The following SMG6 variants were observed in gnomAD, a reference collection of about 807,000 sequenced individuals.
The protein encoded by SMG6 is telomerase-binding protein EST1A.
SMG6 carries 66 observed loss-of-function variants against 142.2 expected under a neutral mutation model. That is an observed-to-expected ratio of 0.46 (90% CI 0.38 to 0.57). The LOEUF (loss-of-function observed/expected upper bound fraction) is 0.57. Among genes scored for constraint, SMG6 ranks in the 20% least tolerant of loss-of-function variants. The pLI is 0.00. For missense variants in SMG6, 1,793 were observed against 1,832.0 expected, an observed-to-expected ratio of 0.98 and a Z score of 0.39; for synonymous variants, 779 against 702.4, an observed-to-expected ratio of 1.11 and a Z score of -1.72.
intron 13 of SMG6, among the ~76,000 whole-genome samples, chr17:2,135,244 T>C (rs562483554): frequency 3.2e-4 from 48 of 152,360 alleles, no homozygotes; most frequent in Non-Finnish European, 5.0e-4. Flanking sequence ...ATGTGATGTT[T>C]TGATAAATGT....
In SMG6 at chr17:2,102,529, T is replaced by TTC. The variant is rs1491416851; in HGVS notation, c.3358-16629_3358-16628insGA. On this transcript the variant is annotated intron_variant, in intron 13 of 18. Coordinates refer to ENST00000263073, the MANE Select transcript of SMG6 (RefSeq NM_017575.5). ...GGACCACCACATCCTGCTAATTTCA[T>TTC]TTTTTTTTTTTTTTTTTTTTTTTTT... Among the ~76,000 whole-genome samples the TTC allele has an allele frequency of 8.8e-3, 491 of 55,630 alleles. 2 individuals carry two copies. Among genetic ancestry groups the TTC allele is most frequent in the African/African-American group, 0.061 (445 of 7,334 alleles). 36.5% of individuals were successfully genotyped at this position (55,630 alleles called of 152,430 possible). A position where few individuals can be genotyped will look rare whatever the true frequency, so the allele number is the denominator to read the frequency against.
intron 13 of SMG6, among the ~76,000 whole-genome samples, chr17:2,114,960 G>A (rs5023220): frequency 0.5 from 36,053 of 71,534 alleles, 9,942 homozygotes; most frequent in Non-Finnish European, 0.55. Context: ...ATAAAAAAAT[G>A]AAATGAAATG....
chr17:2,165,934 G>C (rs946751524), intron 13 of SMG6, among the ~76,000 whole-genome samples: 1 of 151,948 alleles, frequency 6.6e-6, no homozygotes, highest in Non-Finnish European at 1.5e-5. Context: ...CAAAATGGAC[G>C]GGCGCGGTGA....
chr17:2,148,127 G>T (rs1324015860), intron 13 of SMG6, among the ~76,000 whole-genome samples: 1 of 152,096 alleles, frequency 6.6e-6, no homozygotes, highest in Non-Finnish European at 1.5e-5. Context: ...GGAGGTGCAG[G>T]TTGCAGTGAG....
At chr17:2,125,002 T>C (rs2069825810) in intron 13 of SMG6, among the ~76,000 whole-genome samples, 1 of 152,118 alleles carries the variant, frequency 6.6e-6, no homozygotes, top group Admixed American at 6.5e-5. Flanking sequence ...GCATCTCCAT[T>C]TGGAGAAGGA....
intron 9 of SMG6, among the ~76,000 whole-genome samples, chr17:2,244,005 G>A (rs934345454): frequency 2.6e-5 from 4 of 152,088 alleles, no homozygotes; most frequent in Admixed American, 2.0e-4. Flanking sequence ...TATGCAGAGA[G>A]GAAGAACTCG....
intron 13 of SMG6, among the ~76,000 whole-genome samples, chr17:2,172,243 ACT>A (rs1264925958): frequency 1.4e-5 from 2 of 146,242 alleles, no homozygotes; most frequent in African/African-American, 5.1e-5. Flanking sequence ...CCTATTTATC[ACT>A]CTCCTCCTCA....
chr17:2,184,079 T>C (rs1258569710), intron 12 of SMG6, among the ~76,000 whole-genome samples: 1 of 152,062 alleles, frequency 6.6e-6, no homozygotes, highest in Non-Finnish European at 1.5e-5. Flanking sequence ...ACAGATACAC[T>C]GGTCTGATGT....
At chr17:2,243,542 G>A (rs372459006) in intron 9 of SMG6, among the ~76,000 whole-genome samples, 4 of 152,118 alleles carry the variant, frequency 2.6e-5, no homozygotes, top group East Asian at 3.9e-4. Flanking sequence ...TTAGCCAGAC[G>A]CGGTGGCATG....
chr17:2,186,875 C>G, intron 11 of SMG6, 44 bp from the exon 12 acceptor site: 2 of 1,596,868 alleles, frequency 1.3e-6, no homozygotes, highest in Non-Finnish European at 1.7e-6. Context: ...TCTGCTGTAG[C>G]CCCCGAGTGA....
chr17:2,248,901 T>G (rs2073980804), intron 8 of SMG6, among the ~76,000 whole-genome samples: 1 of 151,980 alleles, frequency 6.6e-6, no homozygotes, highest in African/African-American at 2.4e-5. Context: ...CTTTTTTTTT[T>G]TTTGAGACAG....
intron 2 of SMG6, 90 bp from the exon 3 acceptor site, chr17:2,298,145 C>A (rs1388687761): frequency 5.0e-6 from 6 of 1,205,536 alleles, no homozygotes; most frequent in African/African-American, 1.5e-5. Flanking sequence ...TTAACCACCT[C>A]CCCTGGCAGG....
At chr17:2,242,397 G>A (rs2073827538) in intron 9 of SMG6, among the ~76,000 whole-genome samples, 2 of 145,596 alleles carry the variant, frequency 1.4e-5, no homozygotes, top group Non-Finnish European at 3.0e-5. Context: ...GGGCATGGTG[G>A]CAGGCACCTG....
chr17:2,148,169 C>T (rs1017634001), intron 13 of SMG6, among the ~76,000 whole-genome samples: 8 of 151,626 alleles, frequency 5.3e-5, no homozygotes, highest in East Asian at 3.9e-4. Flanking sequence ...CCAGCCTGGG[C>T]GACAGAGTGA....
At chr17:2,277,148 TATTTATTTATTTATTTATTTTTTA>T (rs2074668764) in intron 8 of SMG6, among the ~76,000 whole-genome samples, 1 of 75,470 alleles carries the variant, frequency 1.3e-5, no homozygotes, top group Non-Finnish European at 2.7e-5. Flanking sequence ...TTTATTTATT[TATTTATTTATTTATTTATTTTTTA>T]TTTTTTTTTT....
chr17:2,264,839 T>C (rs1487962789), intron 8 of SMG6, among the ~76,000 whole-genome samples: 1 of 151,810 alleles, frequency 6.6e-6, no homozygotes, highest in Non-Finnish European at 1.5e-5. Context: ...GAGGCGAAGG[T>C]TGCAGTGAGC....
At chr17:2,248,193 AACTTT>A (rs1376749030) in intron 8 of SMG6, among the ~76,000 whole-genome samples, 1 of 152,232 alleles carries the variant, frequency 6.6e-6, no homozygotes, top group Non-Finnish European at 1.5e-5. Context: ...AAATTTAAGC[AACTTT>A]ACTTTAGTAA....
At chr17:2,138,046 A>G (rs2070361094) in intron 13 of SMG6, among the ~76,000 whole-genome samples, 1 of 152,176 alleles carries the variant, frequency 6.6e-6, no homozygotes, top group African/African-American at 2.4e-5. Context: ...AGGCAGATGC[A>G]GACAGAAAGA....
chr17:2,082,218 C>G (rs1039965596), intron 14 of SMG6: 1 of 457,812 alleles, frequency 2.2e-6, no homozygotes, highest in Non-Finnish European at 4.0e-6. Context: ...CGCAATCACA[C>G]ATATATACCT....
Sources: allele counts gnomAD v4.1 joint callset (sites outside exome capture counted in the v4.1 genomes callset), GRCh38; gene constraint gnomAD v4.1.1; transcripts MANE v1.5; gene names NCBI Gene and HGNC (gene_info 2026-07-23, HGNC 2026-07-21).